Variants in SHANK2 observed in about 807,000 individuals in gnomAD.
The protein encoded by SHANK2 is SH3 and multiple ankyrin repeat domains 2.
In SHANK2, 43 loss-of-function variants were observed where a neutral mutation model predicts 133.7. That is an observed-to-expected ratio of 0.32 (90% CI 0.25 to 0.41). The LOEUF (loss-of-function observed/expected upper bound fraction) is 0.41, where lower values mean the gene tolerates loss of function less well. SHANK2 is among the 10% of genes least tolerant of loss of function. The pLI is 1.00. For missense variants in SHANK2, 1,994 were observed against 2,235.8 expected, an observed-to-expected ratio of 0.89 and a Z score of 2.18; for synonymous variants, 1,017 against 952.8, an observed-to-expected ratio of 1.07 and a Z score of -1.24.
chr11:71,092,300 G>T, intron 8 of SHANK2, 122 bp downstream of exon 8: 1 of 1,032,232 alleles, frequency 9.7e-7, no homozygotes, highest in Non-Finnish European at 1.5e-6. Flanking sequence ...ACTCTGGGCA[G>T]GCCAAACAAA....
At chr11:70,727,577 T>C (rs1247033428) in intron 14 of SHANK2, among the ~76,000 whole-genome samples, 3 of 152,242 alleles carry the variant, frequency 2.0e-5, no homozygotes, top group Non-Finnish European at 2.9e-5. Context: ...TAGCTTACGC[T>C]CTAAGCTAAG....
At chr11:71,240,775 G>A (rs1161105212) in intron 1 of SHANK2, 1 of 152,106 alleles carries the variant, frequency 6.6e-6, no homozygotes, top group Non-Finnish European at 1.5e-5. Context: ...AAAACAATTA[G>A]CCAGGTGTGG....
rs201211059 is a variant in SHANK2 at position 70,639,013 on chromosome 11, C to CA, written c.2061+20814dup. 4.6e-3 allele frequency among the ~76,000 whole-genome samples: 631 copies of CA among 136,378 alleles called. 20 individuals carry two copies. The East Asian group carries it at 0.076, about 16-fold the overall frequency. The allele number at this position is 136,378 out of a possible 152,430, so 89.5% of individuals were successfully genotyped here. A position where few individuals can be genotyped will look rare whatever the true frequency, so the allele number is the denominator to read the frequency against. ...ACTCCATCTCAAAAAAACAAAAAAA[C>CA]AAAAAAAAAACAAAAAAAACATTGA... On this transcript the variant is annotated intron_variant, in intron 17 of 25. Transcript: ENST00000601538.
At chr11:70,511,804 A>C (rs2059207808) in intron 17 of SHANK2, among the ~76,000 whole-genome samples, 1 of 152,240 alleles carries the variant, frequency 6.6e-6, no homozygotes, top group Non-Finnish European at 1.5e-5. Context: ...CAGTCCAGGG[A>C]ATTTCTGTGA....
At chr11:71,121,391 T>C (rs1952081758) in intron 3 of SHANK2, among the ~76,000 whole-genome samples, 1 of 152,260 alleles carries the variant, frequency 6.6e-6, no homozygotes, top group Non-Finnish European at 1.5e-5. Context: ...CAAGTTAAGA[T>C]GATGTCATAC....
intron 25 of SHANK2, among the ~76,000 whole-genome samples, chr11:70,482,645 G>A (rs1484156023): frequency 2.6e-5 from 4 of 152,224 alleles, no homozygotes; most frequent in African/African-American, 9.6e-5. Context: ...AGTGCCTGGC[G>A]TTTGGTGAAT....
chr11:70,927,837 C>T (rs1348862104), intron 10 of SHANK2, among the ~76,000 whole-genome samples: 7 of 152,130 alleles, frequency 4.6e-5, no homozygotes, highest in Admixed American at 6.5e-5. Context: ...CCATCCAATC[C>T]GTTGAGGGTC....
chr11:70,737,958 C>A (rs112984424), intron 14 of SHANK2, among the ~76,000 whole-genome samples: 1 of 152,250 alleles, frequency 6.6e-6, no homozygotes, highest in African/African-American at 2.4e-5. Flanking sequence ...GCCGCGGAGA[C>A]GTGGGCATCA....
At chr11:71,224,034 A>G (rs1276049813) in intron 2 of SHANK2, among the ~76,000 whole-genome samples, 1 of 152,230 alleles carries the variant, frequency 6.6e-6, no homozygotes, top group Non-Finnish European at 1.5e-5. Flanking sequence ...TGGTCAAGCC[A>G]AGCTGGATTC....
At position 70,698,748 on chromosome 11, in the gene SHANK2, C is replaced by T. The variant is rs568385491; in HGVS notation, c.1793G>A (p.Arg598His). The T allele has an allele frequency of 7.7e-5, 55 of 718,598 alleles. No individual in the cohort carries two copies. The highest frequency in any genetic ancestry group is 1.2e-4 in the Non-Finnish European group (48 of 385,086). 44.5% of individuals were successfully genotyped at this position (718,598 alleles called of 1,614,324 possible). ...RDSQAETRAD[R>H]SKKLFRHYTV... ...GTAGTGCCTGAAAAGCTTCTTGCTG[C>T]GGTCAGCGCGGGTTTCTGTACAGAG... Residue 598 changes from arginine to histidine, a missense_variant, in exon 15 of 26, where the codon CGC becomes CAC. Around this residue, in one of 5 missense-constraint regions of SHANK2, gnomAD observed 653 missense variants for 563.4 expected, o/e 1.16. Coordinates refer to ENST00000601538, the MANE Select transcript of SHANK2 (RefSeq NM_012309.5).
At chr11:71,169,990 T>C (rs1953278309) in intron 2 of SHANK2, among the ~76,000 whole-genome samples, 1 of 151,870 alleles carries the variant, frequency 6.6e-6, no homozygotes, top group Non-Finnish European at 1.5e-5. Context: ...CTTTCCAGCC[T>C]GGACATAATA....
intron 12 of SHANK2, among the ~76,000 whole-genome samples, chr11:70,818,168 CATG>C (rs1948440022): frequency 6.6e-6 from 1 of 152,126 alleles, no homozygotes. Context: ...GGCTGGCCAC[CATG>C]ATGACCACAC....
At chr11:70,603,114 C>T (rs546168848) in intron 17 of SHANK2, among the ~76,000 whole-genome samples, 5 of 152,374 alleles carry the variant, frequency 3.3e-5, no homozygotes, top group South Asian at 2.1e-4. Flanking sequence ...CCTGAGGAAG[C>T]GGTGGTGGGG....
At chr11:71,217,466 T>C (rs988690090) in intron 2 of SHANK2, among the ~76,000 whole-genome samples, 6 of 151,704 alleles carry the variant, frequency 4.0e-5, no homozygotes, top group Admixed American at 3.3e-4. Flanking sequence ...ATCATGCCAC[T>C]GCACTCCAGC....
intron 9 of SHANK2, among the ~76,000 whole-genome samples, chr11:71,074,599 T>C (rs1178041869): frequency 6.6e-6 from 1 of 152,196 alleles, no homozygotes; most frequent in Non-Finnish European, 1.5e-5. Flanking sequence ...CTGGGCAGGC[T>C]GATAAGAACA....
At chr11:71,102,465 G>C (rs1314309829) in intron 6 of SHANK2, among the ~76,000 whole-genome samples, 1 of 152,120 alleles carries the variant, frequency 6.6e-6, no homozygotes, top group Admixed American at 6.5e-5. Flanking sequence ...CGGGGCCCAG[G>C]TCTGCAGGGC....
intron 9 of SHANK2, among the ~76,000 whole-genome samples, chr11:71,067,595 A>G (rs1249847918): frequency 2.0e-5 from 3 of 152,186 alleles, no homozygotes; most frequent in Non-Finnish European, 4.4e-5. Context: ...CCTGCCTAAA[A>G]CTGATAAAGC....
chr11:70,722,565 C>T (rs1164161799), intron 14 of SHANK2, among the ~76,000 whole-genome samples: 2 of 152,256 alleles, frequency 1.3e-5, no homozygotes, highest in South Asian at 2.1e-4. Flanking sequence ...TTTGAAATTA[C>T]GTATATTGTT....
intron 2 of SHANK2, among the ~76,000 whole-genome samples, chr11:71,162,316 T>C (rs1344590213): frequency 6.6e-5 from 10 of 152,214 alleles, no homozygotes; most frequent in African/African-American, 2.4e-4. Context: ...GGTGAGATCA[T>C]GCATGTAGCT....
Sources: allele counts gnomAD v4.1 joint callset (sites outside exome capture counted in the v4.1 genomes callset), GRCh38; gene constraint gnomAD v4.1.1; regional missense constraint gnomAD v4.1.1; transcripts MANE v1.5; gene names NCBI Gene and HGNC (gene_info 2026-07-23, HGNC 2026-07-21).